Variants in SLC44A4 observed in about 807,000 individuals in gnomAD.
SLC44A4 encodes solute carrier family 44 member 4, also known as choline transporter-like protein 4.
A neutral mutation model predicts 97.0 loss-of-function variants in SLC44A4; 74 were observed. The ratio of observed to expected loss-of-function variants is 0.76; its 90% CI spans 0.63 to 0.93. The LOEUF (loss-of-function observed/expected upper bound fraction) is 0.93, where lower values mean the gene tolerates loss of function less well. Among genes scored for constraint, SLC44A4 ranks in the 40% least tolerant of loss-of-function variants. The pLI is 0.00. For synonymous variants in SLC44A4, 325 were observed against 363.8 expected, an observed-to-expected ratio of 0.89 and a Z score of 1.21; for missense variants, 799 against 902.9, an observed-to-expected ratio of 0.88 and a Z score of 1.48.
At position 31,871,417 on chromosome 6, in the gene SLC44A4, A is replaced by C; in HGVS notation, c.618-20T>G. ...AGACCGCTGTTGGGGAGACAGAGTC[A>C]GATGGGGCTGTGGGTGGAAGGGGTG... On this transcript the variant is annotated intron_variant, in intron 8 of 20. Transcript: ENST00000229729. 6.2e-7 allele frequency: 1 copy of C among 1,613,886 alleles called. No homozygotes were observed. Among genetic ancestry groups the C allele is most frequent in the Non-Finnish European group, 8.5e-7 (1 of 1,179,784 alleles).
chr6:31,870,372 G>C (rs544187724), intron 11 of SLC44A4, among the ~76,000 whole-genome samples: 1 of 152,234 alleles, frequency 6.6e-6, no homozygotes, highest in East Asian at 1.9e-4. Flanking sequence ...GAAGGCCTAT[G>C]TCATATTCCA....
chr6:31,874,563 G>A lies in SLC44A4; in HGVS notation c.469-43C>T. On this transcript the variant is annotated intron_variant, in intron 6 of 20. Coordinates refer to ENST00000229729, the MANE Select transcript of SLC44A4 (RefSeq NM_025257.3). The surrounding 1 kb of genome is among the most constrained non-coding windows in gnomAD (Gnocchi z 4.8). ...GGACAGACACACAGACACAGAGCAGGATGAAGAAGCAGGTCCCCTCACCAC... is the reference window on the plus strand; with the variant it reads ...GGACAGACACACAGACACAGAGCAGAATGAAGAAGCAGGTCCCCTCACCAC... 3 of 1,601,322 alleles carry A rather than the reference G, an allele frequency of 1.9e-6. No homozygotes were observed. The highest frequency in any genetic ancestry group is 2.6e-6 in the Non-Finnish European group (3 of 1,173,260).
chr6:31,872,955 G>A (rs1431958920), intron 7 of SLC44A4, among the ~76,000 whole-genome samples: 2 of 151,754 alleles, frequency 1.3e-5, no homozygotes, highest in Non-Finnish European at 2.9e-5. Context: ...TCGGCTCACC[G>A]TAAACTCCGC....
intron 11 of SLC44A4, among the ~76,000 whole-genome samples, chr6:31,870,391 T>C (rs1232040173): frequency 2.6e-5 from 4 of 152,270 alleles, no homozygotes; most frequent in East Asian, 1.9e-4. Flanking sequence ...CAGGCACTCA[T>C]TGAATCCTCA....
chr6:31,873,126 C>T (rs938750084), intron 7 of SLC44A4, among the ~76,000 whole-genome samples: 3 of 152,130 alleles, frequency 2.0e-5, no homozygotes, highest in Admixed American at 6.5e-5. Context: ...CCGCCCGCCT[C>T]GGCCTCCCAA....
At chr6:31,869,441 C>A (rs902748430) in intron 12 of SLC44A4, 104 bp downstream of exon 12, 8 of 1,057,770 alleles carry the variant, frequency 7.6e-6, no homozygotes, top group Non-Finnish European at 1.1e-5. Context: ...GAGAAAGGGG[C>A]ACCTCTTCCA....
At chr6:31,875,089 A>AC in intron 4 of SLC44A4, 61 bp from the exon 5 acceptor site, 1 of 1,353,910 alleles carries the variant, frequency 7.4e-7, no homozygotes, top group Admixed American at 1.7e-5. Context: ...GAGGGGAGGG[A>AC]CCACTAGGGT....
In SLC44A4 at chr6:31,863,701, T is replaced by G. The variant is rs150385253; in HGVS notation, c.2059A>C (p.Met687Leu). 1 of 1,612,400 alleles carries G rather than the reference T, an allele frequency of 6.2e-7. No homozygotes were observed. Among genetic ancestry groups the G allele is most frequent in the Non-Finnish European group, 8.5e-7 (1 of 1,179,730 alleles). Residue 687 changes from methionine (M) to leucine (L), a missense_variant, in exon 21 of 21, where the codon ATG becomes CTG. Coordinates refer to ENST00000229729, the MANE Select transcript of SLC44A4 (RefSeq NM_025257.3). ...NNGSLDRPYY[M>L]SKSLLKILGK... ...AGAATCTTTAGAAGGCTCTTGGACA[T>G]GTAGTAGGGCCGGTCCAGGGAGCCG... is the stretch of plus-strand genomic sequence containing the variant.
chr6:31,872,215 C>CATTT (rs1157778351), intron 7 of SLC44A4, among the ~76,000 whole-genome samples: 2 of 152,086 alleles, frequency 1.3e-5, no homozygotes, highest in Non-Finnish European at 2.9e-5. Context: ...CTTGCTTTGT[C>CATTT]ATTTATTTAT....
At chr6:31,872,738 G>A (rs1763239674) in intron 7 of SLC44A4, among the ~76,000 whole-genome samples, 1 of 152,198 alleles carries the variant, frequency 6.6e-6, no homozygotes, top group African/African-American at 2.4e-5. Context: ...GGTTCAGAGA[G>A]GTTGCATAGT....
rs774865421 is a variant in SLC44A4 at position 31,878,933 on chromosome 6, AGTCTCACC to A, written c.40_40+7del. 173 of 1,613,610 alleles carry A rather than the reference AGTCTCACC, an allele frequency of 1.1e-4. No homozygotes were observed. Among genetic ancestry groups the A allele is most frequent in the Admixed American group, 9.2e-4 (55 of 59,978 alleles). On this transcript the variant is annotated splice_donor_variant and splice_donor_5th_base_variant and coding_sequence_variant and intron_variant, in exon 1 of 21. Transcript: ENST00000229729. LOFTEE classifies it high-confidence loss of function. The surrounding 1 kb of genome is among the most constrained non-coding windows in gnomAD (Gnocchi z 4.0). ...TCCACAGGGTCCCGGGCCTCGCCCCAGTCTCACCGTAGGCCTCGTCATCCTCGTCCCGC... is the reference window on the plus strand; with the variant it reads ...TCCACAGGGTCCCGGGCCTCGCCCCAGTAGGCCTCGTCATCCTCGTCCCGC...
rs1763373421 is a variant in SLC44A4 at position 31,875,040 on chromosome 6, G to A, written c.243-12C>T. The A allele has an allele frequency of 1.2e-6, 2 of 1,604,616 alleles. No individual in the cohort carries two copies. Among genetic ancestry groups the A allele is most frequent in the Non-Finnish European group, 1.7e-6 (2 of 1,174,096 alleles). ...GATACGGCTTATCTCTGTGGGAGGGGAGGGACCATGTGCATCAGGGCCTGG... is the reference window on the plus strand; with the variant it reads ...GATACGGCTTATCTCTGTGGGAGGGAAGGGACCATGTGCATCAGGGCCTGG... On this transcript the variant is annotated splice_polypyrimidine_tract_variant and intron_variant, in intron 4 of 20. Transcript: ENST00000229729.
chr6:31,874,654 C>T lies in SLC44A4; in HGVS notation c.468+67G>A, dbSNP rs1290805907. 3 of 1,565,290 alleles carry T rather than the reference C, an allele frequency of 1.9e-6. No homozygotes were observed. The highest frequency in any genetic ancestry group is 2.6e-6 in the Non-Finnish European group (3 of 1,156,146). On this transcript the variant is annotated intron_variant, in intron 6 of 20. Coordinates refer to ENST00000229729, the MANE Select transcript of SLC44A4 (RefSeq NM_025257.3). This position sits in a 1 kb window ranked among gnomAD's most constrained non-coding sequence, Gnocchi z 4.8. ...CAACCTGGTGATGATCTACCCAACTCCCCCTCCCTCTCGTGCCCACCCTGG... is the reference window on the plus strand; with the variant it reads ...CAACCTGGTGATGATCTACCCAACTTCCCCTCCCTCTCGTGCCCACCCTGG...
Position 31,876,246 on chromosome 6 carries a change from G to C in SLC44A4, c.90-117C>G. ...GATGCTGCAGCATGGGCATCAGTAG[G>C]CTTTATTTTTATTTTTTTATTGCTT... is the stretch of plus-strand genomic sequence containing the variant. On this transcript the variant is annotated intron_variant, in intron 2 of 20. Transcript: ENST00000229729. The surrounding 1 kb of genome is among the most constrained non-coding windows in gnomAD (Gnocchi z 4.8). 1.4e-6 allele frequency: 1 copy of C among 695,304 alleles called. No individual in the cohort carries two copies. Among genetic ancestry groups the C allele is most frequent in the Non-Finnish European group, 2.4e-6 (1 of 419,632 alleles). 43.1% of individuals were successfully genotyped at this position (695,304 alleles called of 1,614,324 possible).
chr6:31,863,866 A>G, intron 20 of SLC44A4, 118 bp from the exon 21 acceptor site: 2 of 1,358,216 alleles, frequency 1.5e-6, no homozygotes, highest in African/African-American at 1.5e-5. Flanking sequence ...ACCCCCGGGC[A>G]GGTTATGTAA....
Position 31,871,523 on chromosome 6 carries a change from G to C in SLC44A4, c.568C>G (p.Pro190Ala), listed in dbSNP as rs1472402453. 1 of 1,613,890 alleles carries C rather than the reference G, an allele frequency of 6.2e-7. No homozygotes were observed. Among genetic ancestry groups the C allele is most frequent in the South Asian group, 1.1e-5 (1 of 91,076 alleles). The change falls in exon 8 of 21, where the codon CCG (proline) becomes GCG (alanine). Residue 190 changes from proline to alanine, a missense_variant. By Grantham distance (27) the Pro-to-Ala change is conservative. Coordinates refer to ENST00000229729, the MANE Select transcript of SLC44A4 (RefSeq NM_025257.3). ...TCATTGGTGATCCCTGGGAGCGCCG[G>C]TGGAGTAACGTTGGTCCATGGAAAG... ...RCFPWTNVTPPALPGITNDTT... is the reference protein window; with the variant it reads ...RCFPWTNVTPAALPGITNDTT...
In SLC44A4 at chr6:31,863,747, C is replaced by T; in HGVS notation, c.2013G>A (p.Leu671=). 6.2e-7 allele frequency: 1 copy of T among 1,612,602 alleles called. No individual in the cohort carries two copies. Among genetic ancestry groups the T allele is most frequent in the Non-Finnish European group, 8.5e-7 (1 of 1,179,844 alleles). The change falls in exon 21 of 21, where the codon CTG becomes CTA. Residue 671 remains leucine (L), a splice_region_variant and synonymous_variant. Coordinates refer to ENST00000229729, the MANE Select transcript of SLC44A4 (RefSeq NM_025257.3). ...MCVDTLFLCF[L]EDLERNNGSL... ...AGCCGTTGTTCCGCTCCAGGTCTTC[C>T]ACTGAGCCGCAACAGAGACCGGTTA...
At chr6:31,866,631 G>T (rs1472257466) in intron 13 of SLC44A4, among the ~76,000 whole-genome samples, 2 of 152,100 alleles carry the variant, frequency 1.3e-5, no homozygotes, top group Admixed American at 6.6e-5. Flanking sequence ...GGTGGCTTAT[G>T]CCTGTAATCT....
chr6:31,870,714 G>A lies in SLC44A4; in HGVS notation c.938-12C>T, dbSNP rs775986041. The A allele has an allele frequency of 5.2e-5, 83 of 1,611,068 alleles. No homozygotes were observed. Among genetic ancestry groups the A allele is most frequent in the Non-Finnish European group, 1.6e-5 (19 of 1,179,048 alleles). On this transcript the variant is annotated splice_polypyrimidine_tract_variant and intron_variant, in intron 10 of 20. Transcript: ENST00000229729. ...CGCCAACACGATCACTGCAGAGGAC[G>A]GGGCAGACAGACCTAGGTCAGGGCC...
Sources: allele counts gnomAD v4.1 joint callset (sites outside exome capture counted in the v4.1 genomes callset), GRCh38; gene constraint gnomAD v4.1.1; non-coding constraint Gnocchi (gnomAD v3.1); transcripts MANE v1.5; gene names NCBI Gene and HGNC (gene_info 2026-07-23, HGNC 2026-07-21).